Variants in SPIDR observed in about 807,000 individuals in gnomAD.
The protein encoded by SPIDR is scaffold protein involved in DNA repair, also known as DNA repair-scaffolding protein.
SPIDR carries 93 observed loss-of-function variants against 104.6 expected under a neutral mutation model. The ratio of observed to expected loss-of-function variants is 0.89; its 90% confidence interval spans 0.75 to 1.06. SPIDR has a LOEUF of 1.06. SPIDR is among the 50% of genes least tolerant of loss of function. The pLI is 0.00. For missense variants in SPIDR, 1,154 were observed against 1,111.2 expected, an observed-to-expected ratio of 1.04 and a Z score of -0.55; for synonymous variants, 431 against 416.9, an observed-to-expected ratio of 1.03 and a Z score of -0.41.
Position 47,417,857 on chromosome 8 carries a change from C to T in SPIDR, c.877+9896C>T, listed in dbSNP as rs550873610. On this transcript the variant is annotated intron_variant, in intron 7 of 19. Coordinates refer to ENST00000297423, the MANE Select transcript of SPIDR (RefSeq NM_001080394.4). ...TTCTACATATGGCTAGCCAGTTTTCCCAGCACCATTTATTAAATAGGGAAT... is the reference window on the plus strand; with the variant it reads ...TTCTACATATGGCTAGCCAGTTTTCTCAGCACCATTTATTAAATAGGGAAT... Among the ~76,000 whole-genome samples the T allele has an allele frequency of 3.9e-5, 6 of 152,126 alleles. No homozygotes were observed. In the South Asian group the frequency reaches 1.2e-3, roughly 32 times the overall value.
At chr8:47,567,227 A>ATAT (rs1436398239) in intron 8 of SPIDR, among the ~76,000 whole-genome samples, 10 of 149,952 alleles carry the variant, frequency 6.7e-5, no homozygotes, top group African/African-American at 2.4e-4. Flanking sequence ...ATATATATAT[A>ATAT]TTTTTTTTCT....
At chr8:47,557,106 C>T (rs752369497) in intron 8 of SPIDR, among the ~76,000 whole-genome samples, 86 of 152,150 alleles carry the variant, frequency 5.7e-4, no homozygotes, top group Non-Finnish European at 3.5e-4. Flanking sequence ...CTGTTTTATA[C>T]TAATGCATTA....
chr8:47,378,135 T>C (rs1303794256), intron 5 of SPIDR, among the ~76,000 whole-genome samples: 1 of 152,214 alleles, frequency 6.6e-6, no homozygotes, highest in Non-Finnish European at 1.5e-5. Context: ...ACATTTCTAG[T>C]TTTTCTTAGG....
At chr8:47,637,608 T>C (rs933185593) in intron 10 of SPIDR, among the ~76,000 whole-genome samples, 15 of 152,180 alleles carry the variant, frequency 9.9e-5, no homozygotes, top group Non-Finnish European at 1.9e-4. Flanking sequence ...ATTTGTCTGA[T>C]TTATTACATA....
Position 47,328,458 on chromosome 8 carries a change from T to C in SPIDR, c.525+34428T>C, listed in dbSNP as rs375990746. ...TCAGAGATGGGGTCTTGCTATGTTATCCAGGTTGTTCTCAAACTCCTGGCT... is the reference window on the plus strand; with the variant it reads ...TCAGAGATGGGGTCTTGCTATGTTACCCAGGTTGTTCTCAAACTCCTGGCT... On this transcript the variant is annotated intron_variant, in intron 5 of 19. Transcript: ENST00000297423. Among the ~76,000 whole-genome samples the C allele has an allele frequency of 3.0e-3, 454 of 151,720 alleles. 1 individual carries two copies. Among genetic ancestry groups the C allele is most frequent in the African/African-American group, 0.011 (443 of 41,368 alleles).
intron 8 of SPIDR, among the ~76,000 whole-genome samples, chr8:47,483,972 C>G (rs1554728934): frequency 6.7e-6 from 1 of 149,832 alleles, no homozygotes; most frequent in Non-Finnish European, 1.5e-5. Context: ...TTACCAAGTA[C>G]AGCTTCGTGT....
intron 1 of SPIDR, among the ~76,000 whole-genome samples, chr8:47,272,227 A>G (rs898182275): frequency 6.6e-6 from 1 of 152,092 alleles, no homozygotes; most frequent in Non-Finnish European, 1.5e-5. Context: ...TTGGCCTCCC[A>G]AAGTGCTGGG....
chr8:47,418,654 A>G (rs973280726), intron 7 of SPIDR, among the ~76,000 whole-genome samples: 20 of 152,206 alleles, frequency 1.3e-4, no homozygotes, highest in Non-Finnish European at 2.5e-4. Flanking sequence ...TTCCAACACT[A>G]TGTTGAATAG....
At chr8:47,434,707 C>A (rs1332488515) in intron 7 of SPIDR, among the ~76,000 whole-genome samples, 11 of 152,130 alleles carry the variant, frequency 7.2e-5, no homozygotes, top group African/African-American at 2.7e-4. Flanking sequence ...TCCCCTCATA[C>A]TAACTTGCTT....
chr8:47,462,631 T>TAGGG (rs2074132090), intron 8 of SPIDR, among the ~76,000 whole-genome samples: 1 of 152,160 alleles, frequency 6.6e-6, no homozygotes. Context: ...AGAAAGATAT[T>TAGGG]AAATCAATAA....
chr8:47,551,137 A>G (rs1035013482), intron 8 of SPIDR, among the ~76,000 whole-genome samples: 1 of 152,170 alleles, frequency 6.6e-6, no homozygotes, highest in Non-Finnish European at 1.5e-5. Context: ...CTCGTGGTGG[A>G]TAAGCTTTTT....
intron 8 of SPIDR, among the ~76,000 whole-genome samples, chr8:47,578,288 C>T (rs1381831516): frequency 3.9e-5 from 6 of 151,954 alleles, no homozygotes; most frequent in Non-Finnish European, 7.4e-5. Context: ...CTGGCTAACA[C>T]GGTGAAACCC....
At chr8:47,509,918 G>GCA (rs150535931) in intron 8 of SPIDR, among the ~76,000 whole-genome samples, 17 of 150,146 alleles carry the variant, frequency 1.1e-4, no homozygotes, top group African/African-American at 2.2e-4. Flanking sequence ...CCACACACAT[G>GCA]CACACACACA....
intron 6 of SPIDR, among the ~76,000 whole-genome samples, chr8:47,399,700 G>A (rs1249593116): frequency 6.6e-6 from 1 of 152,168 alleles, no homozygotes; most frequent in East Asian, 1.9e-4. Flanking sequence ...TGGTCCAGGG[G>A]CACACTAAAA....
chr8:47,593,877 A>G (rs1181862716), intron 8 of SPIDR, among the ~76,000 whole-genome samples: 1 of 152,056 alleles, frequency 6.6e-6, no homozygotes, highest in Non-Finnish European at 1.5e-5. Context: ...GAGGGGTAGG[A>G]GGGAAGGGTG....
intron 7 of SPIDR, among the ~76,000 whole-genome samples, chr8:47,417,910 C>G (rs1188748769): frequency 2.0e-5 from 3 of 152,056 alleles, no homozygotes; most frequent in Admixed American, 1.3e-4. Context: ...TTTTTGTCAG[C>G]TTTGTCAAAG....
At chr8:47,402,058 T>C (rs1190845323) in intron 6 of SPIDR, among the ~76,000 whole-genome samples, 1 of 152,218 alleles carries the variant, frequency 6.6e-6, no homozygotes, top group Non-Finnish European at 1.5e-5. Flanking sequence ...ATCGCACTTA[T>C]TCCAAAATTC....
intron 5 of SPIDR, among the ~76,000 whole-genome samples, chr8:47,360,101 G>A (rs1554628858): frequency 6.6e-6 from 1 of 151,864 alleles, no homozygotes; most frequent in Non-Finnish European, 1.5e-5. Context: ...AATTAGCTGG[G>A]CGTGGTGGCG....
At chr8:47,383,802 T>C (rs999162164) in intron 5 of SPIDR, among the ~76,000 whole-genome samples, 1 of 152,238 alleles carries the variant, frequency 6.6e-6, no homozygotes, top group East Asian at 1.9e-4. Flanking sequence ...TATATATTTG[T>C]GTTTTTTAAC....
Sources: allele counts gnomAD v4.1 joint callset (sites outside exome capture counted in the v4.1 genomes callset), GRCh38; gene constraint gnomAD v4.1.1; transcripts MANE v1.5; gene names NCBI Gene and HGNC (gene_info 2026-07-23, HGNC 2026-07-21).